FSD1L: variants seen among roughly 807,000 people sequenced by gnomAD.
The protein encoded by FSD1L is FSD1-like protein.
In FSD1L, 45 loss-of-function variants were observed where a neutral mutation model predicts 71.6. The ratio of observed to expected loss-of-function variants is 0.63; its 90% CI spans 0.49 to 0.81. FSD1L has a LOEUF of 0.81. Ranked by LOEUF, FSD1L falls within the 30% of genes least tolerant of loss-of-function variation. The pLI, the probability that FSD1L is intolerant of heterozygous loss-of-function variation, is 0.00. For missense variants in FSD1L, 561 were observed against 618.1 expected, an observed-to-expected ratio of 0.91 and a Z score of 0.98; for synonymous variants, 197 against 207.2, an observed-to-expected ratio of 0.95 and a Z score of 0.42.
At chr9:105,540,872 A>G (rs1023099595) in intron 13 of FSD1L, among the ~76,000 whole-genome samples, 3 of 152,114 alleles carry the variant, frequency 2.0e-5, no homozygotes, top group South Asian at 2.1e-4. Context: ...GCTTTTTCCA[A>G]CTCATAACCT....
intron 10 of FSD1L, among the ~76,000 whole-genome samples, chr9:105,528,195 C>T (rs1292525340): frequency 3.3e-5 from 5 of 152,124 alleles, no homozygotes; most frequent in African/African-American, 1.2e-4. Context: ...TAATCAATAT[C>T]GTGAAAATGG....
At chr9:105,478,693 T>C (rs1831974812) in intron 5 of FSD1L, among the ~76,000 whole-genome samples, 1 of 152,124 alleles carries the variant, frequency 6.6e-6, no homozygotes, top group Non-Finnish European at 1.5e-5. Flanking sequence ...AGAGATACCT[T>C]ATATATAGGT....
At chr9:105,458,706 G>A (rs944178658) in intron 1 of FSD1L, among the ~76,000 whole-genome samples, 4 of 152,192 alleles carry the variant, frequency 2.6e-5, no homozygotes, top group Non-Finnish European at 5.9e-5. Flanking sequence ...GATTCCATCA[G>A]GAACTGGCAG....
chr9:105,486,768 T>G (rs1205300563), intron 7 of FSD1L, among the ~76,000 whole-genome samples: 4 of 152,182 alleles, frequency 2.6e-5, no homozygotes, highest in Non-Finnish European at 4.4e-5. Flanking sequence ...AAAGTTACTT[T>G]AGTATTTTTG....
At chr9:105,445,097 T>G (rs913382953), upstream of FSD1L, among the ~76,000 whole-genome samples, 1 of 152,202 alleles carries the variant, frequency 6.6e-6, no homozygotes, top group Non-Finnish European at 1.5e-5. Flanking sequence ...GACTTGCCTA[T>G]AGGCCAGAGG....
At chr9:105,445,970 C>A (rs1829633357), upstream of FSD1L, among the ~76,000 whole-genome samples, 1 of 152,210 alleles carries the variant, frequency 6.6e-6, no homozygotes, top group South Asian at 2.1e-4. Flanking sequence ...TAGCCAAGCT[C>A]TTCTTTTCCC....
intron 10 of FSD1L, among the ~76,000 whole-genome samples, chr9:105,516,624 C>G (rs1834743012): frequency 6.6e-6 from 1 of 152,160 alleles, no homozygotes; most frequent in Non-Finnish European, 1.5e-5. Flanking sequence ...GGAAAACTAA[C>G]AAACAGAAAG....
At chr9:105,462,951 A>T (rs1830811483) in intron 2 of FSD1L, among the ~76,000 whole-genome samples, 1 of 151,270 alleles carries the variant, frequency 6.6e-6, no homozygotes, top group South Asian at 2.1e-4. Flanking sequence ...CAGCCTGGCC[A>T]ACATGGTGAA....
chr9:105,540,344 G>C (rs1185788312), intron 13 of FSD1L, among the ~76,000 whole-genome samples: 2 of 151,882 alleles, frequency 1.3e-5, no homozygotes, highest in African/African-American at 4.8e-5. Flanking sequence ...GTTTCTTATG[G>C]GTTAATTTGT....
At chr9:105,510,012 G>A (rs764867544) in intron 9 of FSD1L, among the ~76,000 whole-genome samples, 5 of 152,048 alleles carry the variant, frequency 3.3e-5, no homozygotes, top group Admixed American at 6.6e-5. Flanking sequence ...TTCATTTACT[G>A]TTCATATTTA....
chr9:105,503,603 G>A (rs1160916546), intron 7 of FSD1L, among the ~76,000 whole-genome samples: 1 of 152,186 alleles, frequency 6.6e-6, no homozygotes, highest in East Asian at 1.9e-4. Flanking sequence ...ACTATTGCTA[G>A]TTCATCACTG....
chr9:105,525,469 A>G, intron 10 of FSD1L: 1 of 1,608,698 alleles, frequency 6.2e-7, no homozygotes, highest in South Asian at 1.1e-5. Flanking sequence ...GAAGCACTTT[A>G]ATGACTTAAA....
chr9:105,494,102 A>T (rs1188520324), intron 7 of FSD1L, among the ~76,000 whole-genome samples: 1 of 151,786 alleles, frequency 6.6e-6, no homozygotes, highest in East Asian at 1.9e-4. Context: ...GTGTTTTCCA[A>T]CTTGGTTCCA....
chr9:105,471,291 G>A (rs1831438782), intron 4 of FSD1L, among the ~76,000 whole-genome samples: 1 of 152,092 alleles, frequency 6.6e-6, no homozygotes, highest in African/African-American at 2.4e-5. Context: ...TCCCTTTTCA[G>A]TTACCTCTCA....
chr9:105,498,190 T>TTTTTTATTA (rs1554708758), intron 7 of FSD1L, among the ~76,000 whole-genome samples: 1 of 143,412 alleles, frequency 7.0e-6, no homozygotes, highest in Non-Finnish European at 1.5e-5. Context: ...TTGCTTTGGC[T>TTTTTTATTA]TTATTATTAT....
intron 6 of FSD1L, among the ~76,000 whole-genome samples, chr9:105,480,252 T>C (rs1245793927): frequency 6.6e-6 from 1 of 152,094 alleles, no homozygotes; most frequent in South Asian, 2.1e-4. Flanking sequence ...AAACAGTGCC[T>C]CTATTGTTAA....
rs1157365958 is a variant in FSD1L, at chr9:105,523,781, G to A, written c.1026-10712G>A. The A allele has an allele frequency of 3.1e-6, 5 of 1,595,550 alleles. No homozygotes were observed. In the African/African-American group the frequency reaches 6.7e-5, roughly 21 times the overall value. ...TTCTAACACATTTCTACAATATAAT[G>A]CATTGTGGATTACTTCATATTGACC... On this transcript the variant is annotated intron_variant, in intron 10 of 13. Transcript: ENST00000481272.
At chr9:105,515,656 A>G (rs1834668432) in intron 10 of FSD1L, among the ~76,000 whole-genome samples, 1 of 152,160 alleles carries the variant, frequency 6.6e-6, no homozygotes, top group Non-Finnish European at 1.5e-5. Context: ...CGGTTCAGAT[A>G]CTGCACTTTT....
intron 7 of FSD1L, among the ~76,000 whole-genome samples, chr9:105,502,453 C>T (rs966034837): frequency 6.6e-6 from 1 of 152,064 alleles, no homozygotes; most frequent in Non-Finnish European, 1.5e-5. Flanking sequence ...GCAGTTGAGG[C>T]TTTAACTGTT....
Sources: gnomAD v4.1 joint callset for allele counts (sites outside exome capture counted in the v4.1 genomes callset) on GRCh38, gnomAD v4.1.1 for gene constraint, MANE v1.5 for transcripts, NCBI Gene and HGNC (gene_info 2026-07-23, HGNC 2026-07-21) for gene names.